TBCD: variants seen among roughly 807,000 people sequenced by gnomAD.
TBCD encodes tubulin-specific chaperone D.
TBCD carries 105 observed loss-of-function variants against 169.3 expected under a neutral mutation model. The ratio of observed to expected loss-of-function variants is 0.62; its 90% CI spans 0.53 to 0.73. TBCD has a LOEUF of 0.73. Ranked by LOEUF, TBCD falls within the 30% of genes least tolerant of loss-of-function variation. TBCD has a pLI of 0.00. For synonymous variants in TBCD, 700 were observed against 643.9 expected (o/e 1.09, Z -1.32); for missense variants, 1,444 against 1,600.1 (o/e 0.90, Z 1.66).
intron 2 of TBCD, 43 bp from the exon 3 acceptor site, chr17:82,763,916 CATGTTG>C: frequency 6.5e-7 from 1 of 1,529,904 alleles, no homozygotes; most frequent in African/African-American, 1.4e-5. Flanking sequence ...GCCTCAATGT[CATGTTG>C]ATGTTCACTT....
Position 82,880,063 on chromosome 17 carries a change from C to G in TBCD, c.1476-4082C>G, listed in dbSNP as rs142389541. Among the ~76,000 whole-genome samples the G allele has an allele frequency of 6.6e-6, 1 of 152,286 alleles. No homozygotes were observed. Among genetic ancestry groups the G allele is most frequent in the Non-Finnish European group, 1.5e-5 (1 of 68,030 alleles). On this transcript the variant is annotated intron_variant, in intron 14 of 38. Transcript: ENST00000355528. This position sits in a 1 kb window ranked among gnomAD's most constrained non-coding sequence, Gnocchi z 5.0. ...ATGGGCTCTTCATCTACCTTCACAG[C>G]CAGCCACGTCCACGTCTCGCTTCAT...
At chr17:82,850,405 G>A (rs1388734897) in intron 13 of TBCD, among the ~76,000 whole-genome samples, 1 of 151,078 alleles carries the variant, frequency 6.6e-6, no homozygotes, top group Non-Finnish European at 1.5e-5. Context: ...TGGCTGTGCT[G>A]TTGTTGGCTG....
Position 82,884,023 on chromosome 17 carries a change from G to T in TBCD, c.1476-122G>T. The T allele has an allele frequency of 1.1e-6, 1 of 895,414 alleles. No individual in the cohort carries two copies. The allele number at this position is 895,414 out of a possible 1,614,324, so 55.5% of individuals were successfully genotyped here. Reference sequence around the variant, plus strand: ...GGGTGCCTCAAGCTGTGTGTTGCCTGTGGGGCATGTCTGAACCTCAAGTGG... The same window carrying T: ...GGGTGCCTCAAGCTGTGTGTTGCCTTTGGGGCATGTCTGAACCTCAAGTGG... On this transcript the variant is annotated intron_variant, in intron 14 of 38. Coordinates refer to ENST00000355528, the MANE Select transcript of TBCD (RefSeq NM_005993.5). The surrounding 1 kb of genome is among the most constrained non-coding windows in gnomAD (Gnocchi z 4.2).
chr17:82,786,980 C>G (rs1014693514), intron 7 of TBCD, among the ~76,000 whole-genome samples: 2 of 152,148 alleles, frequency 1.3e-5, no homozygotes, highest in Admixed American at 1.3e-4. Flanking sequence ...CATTCCCCTC[C>G]TAGCTGCTGG....
intron 21 of TBCD, 122 bp from the exon 22 acceptor site, chr17:82,909,163 T>C (rs1409657151): frequency 6.4e-6 from 5 of 781,542 alleles, no homozygotes; most frequent in Non-Finnish European, 1.0e-5. Flanking sequence ...CCTAGGCGGC[T>C]CTCCTGGCTG....
intron 23 of TBCD, among the ~76,000 whole-genome samples, chr17:82,914,581 G>A (rs1435630967): frequency 6.6e-6 from 1 of 151,982 alleles, no homozygotes; most frequent in Non-Finnish European, 1.5e-5. Flanking sequence ...GCCTCGCACC[G>A]TGGCGGGCGT....
At chr17:82,883,563 C>T (rs997166410) in intron 14 of TBCD, among the ~76,000 whole-genome samples, 13 of 152,212 alleles carry the variant, frequency 8.5e-5, no homozygotes, top group African/African-American at 3.1e-4. Flanking sequence ...GGTTTTCCTG[C>T]CACTCTGTGG....
chr17:82,926,409 G>A lies in TBCD; in HGVS notation c.2389G>A (p.Gly797Ser). The change falls in exon 28 of 39, where the codon GGT (glycine) becomes AGT (serine). Residue 797 changes from glycine to serine, a missense_variant. Coordinates refer to ENST00000355528, the MANE Select transcript of TBCD (RefSeq NM_005993.5). ...LKGRLQQVLT[G>S]LRAVTHTSPE... ...CTTTATTGCTTTCCAGGTTCTCACA[G>A]GTTTAAGAGCAGTTACCCACACTTC... 6.2e-7 allele frequency: 1 copy of A among 1,613,974 alleles called. No individual in the cohort carries two copies.
Position 82,925,044 on chromosome 17 carries a change from G to T in TBCD, c.2366G>T (p.Gly789Val). The change falls in exon 27 of 39, where the codon GGC becomes GTC. Residue 789 changes from glycine to valine, a missense_variant. Gly to Val is a moderately radical substitution (Grantham distance 109). Coordinates refer to ENST00000355528, the MANE Select transcript of TBCD (RefSeq NM_005993.5). ...GCCCTTCCAGGCTTCCTTCTGAAAGGCCGGCTCCAGCAGGTGAGGCTGGCC... is the reference window on the plus strand; with the variant it reads ...GCCCTTCCAGGCTTCCTTCTGAAAGTCCGGCTCCAGCAGGTGAGGCTGGCC... Reference protein sequence around the residue: ...LGALPGFLLKGRLQQVLTGLR... With the variant: ...LGALPGFLLKVRLQQVLTGLR... 6.4e-7 allele frequency: 1 copy of T among 1,556,392 alleles called. No individual in the cohort carries two copies. Among genetic ancestry groups the T allele is most frequent in the South Asian group, 1.2e-5 (1 of 84,496 alleles).
At chr17:82,937,949 G>A in intron 35 of TBCD, 100 bp from the exon 36 acceptor site, 1 of 1,558,500 alleles carries the variant, frequency 6.4e-7, no homozygotes, top group East Asian at 2.4e-5. Context: ...TCACGGATCT[G>A]CTCTGCCCAG....
intron 9 of TBCD, among the ~76,000 whole-genome samples, chr17:82,805,630 A>C (rs184851109): frequency 2.4e-4 from 37 of 152,212 alleles, no homozygotes; most frequent in African/African-American, 7.9e-4. Flanking sequence ...TTCCCTAATC[A>C]AAGCTGGACA....
chr17:82,767,234 G>A (rs1036701794), intron 4 of TBCD, among the ~76,000 whole-genome samples: 4 of 152,020 alleles, frequency 2.6e-5, no homozygotes, highest in Non-Finnish European at 5.9e-5. Context: ...GTTTATAACC[G>A]TGCAGTGCGG....
At position 82,835,324 on chromosome 17, in the gene TBCD, G is replaced by A. The variant is rs1300203939; in HGVS notation, c.1318+20390G>A. On this transcript the variant is annotated intron_variant, in intron 13 of 38. Transcript: ENST00000355528. This position sits in a 1 kb window ranked among gnomAD's most constrained non-coding sequence, Gnocchi z 4.5. ...TCCTCCCACACGCCAGGGGCCAGGG[G>A]TGGTGGCTGGGCTTTCATATGGCTG... Among the ~76,000 whole-genome samples, 3 of 152,220 alleles carry A rather than the reference G, an allele frequency of 2.0e-5. No individual in the cohort carries two copies. The highest frequency in any genetic ancestry group is 7.2e-5 in the African/African-American group (3 of 41,466).
At chr17:82,814,659 G>C (rs544379117) in intron 12 of TBCD, among the ~76,000 whole-genome samples, 181 bp from the exon 13 acceptor site, 9 of 152,352 alleles carry the variant, frequency 5.9e-5, no homozygotes, top group Non-Finnish European at 1.3e-4. Flanking sequence ...GGGATTATAG[G>C]CGTGAGCCGC....
chr17:82,837,553 C>A (rs2054095233), intron 13 of TBCD, among the ~76,000 whole-genome samples: 1 of 152,184 alleles, frequency 6.6e-6, no homozygotes, highest in African/African-American at 2.4e-5. Context: ...GTCTGTCTGT[C>A]TGTTAATAAA....
At chr17:82,798,830 C>T (rs920825992) in intron 8 of TBCD, among the ~76,000 whole-genome samples, 1 of 152,202 alleles carries the variant, frequency 6.6e-6, no homozygotes, top group Non-Finnish European at 1.5e-5. Flanking sequence ...GCAGCTTCGA[C>T]CTCCTGGGCT....
chr17:82,924,618 C>G (rs1207778241), intron 26 of TBCD, among the ~76,000 whole-genome samples: 1 of 152,156 alleles, frequency 6.6e-6, no homozygotes, highest in Non-Finnish European at 1.5e-5. Context: ...ATATAAAAAT[C>G]ATGCATTAGC....
At chr17:82,881,766 A>G (rs76969951) in intron 14 of TBCD, among the ~76,000 whole-genome samples, 6,387 of 152,274 alleles carry the variant, frequency 0.042, 254 homozygotes, top group African/African-American at 0.11. Flanking sequence ...TTCATTTGCC[A>G]TTCTTATTTC....
rs1377344713 is a variant in TBCD, at chr17:82,858,523, C to T, written c.1319-11701C>T. 5 of 965,262 alleles carry T rather than the reference C, an allele frequency of 5.2e-6. No homozygotes were observed. The Middle Eastern group carries it at 1.6e-3, about 307-fold the overall frequency. The allele number at this position is 965,262 out of a possible 1,614,324, so 59.8% of individuals were successfully genotyped here. Reference sequence around the variant, plus strand: ...TACAGGTACTACGGCTGGAGGATCCCAGTTGACTTGAAATTCAGGTTTTGC... The same window carrying T: ...TACAGGTACTACGGCTGGAGGATCCTAGTTGACTTGAAATTCAGGTTTTGC... On this transcript the variant is annotated intron_variant, in intron 13 of 38. Transcript: ENST00000355528.
Sources: gnomAD v4.1 joint callset for allele counts (sites outside exome capture counted in the v4.1 genomes callset) on GRCh38, gnomAD v4.1.1 for gene constraint, Gnocchi (gnomAD v3.1) non-coding constraint, MANE v1.5 for transcripts, NCBI Gene and HGNC (gene_info 2026-07-23, HGNC 2026-07-21) for gene names.